The following NRXN1 variants were observed in gnomAD, a reference collection of about 807,000 sequenced individuals.
The protein encoded by NRXN1 is neurexin-1.
Under a neutral mutation model 150.9 loss-of-function variants are expected in NRXN1, and 39 were observed. The ratio of observed to expected loss-of-function variants is 0.26; its 90% confidence interval spans 0.20 to 0.34. The LOEUF is 0.34. NRXN1 is among the 10% of genes least tolerant of loss of function. NRXN1 has a pLI of 1.00. For missense variants in NRXN1, 1,815 were observed against 1,949.9 expected, an observed-to-expected ratio of 0.93 and a Z score of 1.30; for synonymous variants, 924 against 757.0, an observed-to-expected ratio of 1.22 and a Z score of -3.62.
At chr2:49,936,852 C>T (rs79934459) in intron 22 of NRXN1, among the ~76,000 whole-genome samples, 2,111 of 147,848 alleles carry the variant, frequency 0.014, 24 homozygotes, top group Non-Finnish European at 0.023. Context: ...ATATGAAATA[C>T]CTTTTGCTTG....
chr2:50,186,894 T>C (rs372637124), intron 18 of NRXN1, among the ~76,000 whole-genome samples: 1 of 152,102 alleles, frequency 6.6e-6, no homozygotes, highest in African/African-American at 2.4e-5. Context: ...TTCAAAACAT[T>C]TTTAAAATTC....
chr2:50,525,251 T>A (rs1232434073), intron 12 of NRXN1, among the ~76,000 whole-genome samples: 1 of 152,222 alleles, frequency 6.6e-6, no homozygotes, highest in Non-Finnish European at 1.5e-5. Context: ...GATTTGTTAA[T>A]ATTTAGTTTT....
chr2:50,253,021 T>C (rs550714631), intron 17 of NRXN1, among the ~76,000 whole-genome samples: 1 of 152,324 alleles, frequency 6.6e-6, no homozygotes, highest in South Asian at 2.1e-4. Flanking sequence ...ATTTTCATGA[T>C]ATTGATTCTT....
At chr2:50,555,307 T>G (rs1427166886) in intron 8 of NRXN1, among the ~76,000 whole-genome samples, 1 of 152,190 alleles carries the variant, frequency 6.6e-6, no homozygotes, top group African/African-American at 2.4e-5. Flanking sequence ...TTAGCCCTGG[T>G]ATATTGTCTC....
chr2:50,655,389 C>A (rs780887668), intron 5 of NRXN1, among the ~76,000 whole-genome samples: 2 of 151,992 alleles, frequency 1.3e-5, no homozygotes, highest in African/African-American at 4.8e-5. Flanking sequence ...CAGATTTGTT[C>A]TAGCTTACAG....
At chr2:50,034,172 A>C (rs1388106875) in intron 21 of NRXN1, among the ~76,000 whole-genome samples, 1 of 152,118 alleles carries the variant, frequency 6.6e-6, no homozygotes, top group East Asian at 1.9e-4. Flanking sequence ...AAATCATTCT[A>C]TTACAAAGAC....
intron 9 of NRXN1, among the ~76,000 whole-genome samples, chr2:50,548,902 C>G (rs1304813129): frequency 1.3e-5 from 2 of 152,042 alleles, no homozygotes; most frequent in Non-Finnish European, 2.9e-5. Flanking sequence ...CGTGGGTTCC[C>G]TCTACTTTAA....
intron 17 of NRXN1, among the ~76,000 whole-genome samples, chr2:50,265,321 G>C (rs969533254): frequency 1.3e-5 from 2 of 152,068 alleles, no homozygotes; most frequent in African/African-American, 4.8e-5. Context: ...ATTAATCCTA[G>C]CAAGGCCAGA....
At chr2:50,468,012 C>G (rs1045212222) in intron 16 of NRXN1, among the ~76,000 whole-genome samples, 1 of 151,556 alleles carries the variant, frequency 6.6e-6, no homozygotes, top group Non-Finnish European at 1.5e-5. Flanking sequence ...AAAATAAAAT[C>G]TCTCAAAGCA....
intron 17 of NRXN1, among the ~76,000 whole-genome samples, chr2:50,296,284 G>A (rs1350866651): frequency 6.6e-6 from 1 of 152,198 alleles, no homozygotes; most frequent in Non-Finnish European, 1.5e-5. Flanking sequence ...GAAAGGATAA[G>A]TGAGAGAAGC....
chr2:50,036,507 T>C (rs78197356), intron 21 of NRXN1, among the ~76,000 whole-genome samples: 2,336 of 152,326 alleles, frequency 0.015, 54 homozygotes, highest in African/African-American at 0.053. Flanking sequence ...CAAATCTGTA[T>C]ACACATTTGT....
chr2:50,079,498 G>A (rs1381164308), intron 19 of NRXN1, among the ~76,000 whole-genome samples: 2 of 151,866 alleles, frequency 1.3e-5, no homozygotes, highest in African/African-American at 4.8e-5. Context: ...CTTTGCTCTA[G>A]GCGAATTTTC....
At chr2:50,560,136 G>T (rs1330431974) in intron 8 of NRXN1, among the ~76,000 whole-genome samples, 3 of 152,178 alleles carry the variant, frequency 2.0e-5, no homozygotes, top group Non-Finnish European at 2.9e-5. Flanking sequence ...CCAAAATCAA[G>T]TTTCTTATGC....
At position 50,994,257 on chromosome 2, in the gene NRXN1, C is replaced by T. The variant is rs570219865; in HGVS notation, c.772+33245G>A. Among the ~76,000 whole-genome samples, 3 of 152,104 alleles carry T rather than the reference C, an allele frequency of 2.0e-5. No individual in the cohort carries two copies. The East Asian group carries it at 5.8e-4, about 30-fold the overall frequency. ...TCATTAATAAACAATCTCACACACA[C>T]ACACTCTCTCTCTCTCTAAATTTAA... On this transcript the variant is annotated intron_variant, in intron 2 of 22. Coordinates refer to ENST00000401669, the MANE Select transcript of NRXN1 (RefSeq NM_001330078.2).
In NRXN1 at chr2:50,939,417, CTT is replaced by C. The variant is rs1353219943; in HGVS notation, c.773-13464_773-13463del. Among the ~76,000 whole-genome samples, 5 of 151,716 alleles carry C rather than the reference CTT, an allele frequency of 3.3e-5. No individual in the cohort carries two copies. The South Asian group carries it at 6.2e-4, about 19-fold the overall frequency. ...ATTTTGTTTACAATCTAAAAATCAA[CTT>C]TATTTTTCAGAATTTTAATAGATTT... On this transcript the variant is annotated intron_variant, in intron 2 of 22. Coordinates refer to ENST00000401669, the MANE Select transcript of NRXN1 (RefSeq NM_001330078.2).
chr2:50,665,492 A>G (rs562709550), intron 5 of NRXN1, among the ~76,000 whole-genome samples: 47 of 152,012 alleles, frequency 3.1e-4, no homozygotes, highest in African/African-American at 1.1e-3. Context: ...TAACTGATCT[A>G]TTGGCAATCC....
At chr2:50,304,815 G>A (rs1456787956) in intron 17 of NRXN1, among the ~76,000 whole-genome samples, 2 of 152,136 alleles carry the variant, frequency 1.3e-5, no homozygotes, top group Non-Finnish European at 2.9e-5. Context: ...CACTGAGACC[G>A]AGTGTGGTGG....
intron 18 of NRXN1, among the ~76,000 whole-genome samples, chr2:50,095,816 T>C (rs753768115): frequency 9.2e-5 from 14 of 151,724 alleles, no homozygotes; most frequent in East Asian, 7.8e-4. Flanking sequence ...CTTTAATTTC[T>C]AGGGTACATG....
chr2:50,976,201 T>C (rs1419073424), intron 2 of NRXN1, among the ~76,000 whole-genome samples: 1 of 151,576 alleles, frequency 6.6e-6, no homozygotes, highest in Non-Finnish European at 1.5e-5. Flanking sequence ...ATTCTTTTTT[T>C]TTTTTTTTCT....
Sources: allele counts gnomAD v4.1 joint callset (sites outside exome capture counted in the v4.1 genomes callset), GRCh38; gene constraint gnomAD v4.1.1; transcripts MANE v1.5; gene names NCBI Gene and HGNC (gene_info 2026-07-23, HGNC 2026-07-21).